PRM2: variants seen among roughly 807,000 people sequenced by gnomAD.
PRM2 encodes protamine-2.
Under a neutral mutation model 10.7 loss-of-function variants are expected in PRM2, and 6 were observed. That is an observed-to-expected ratio of 0.56 (90% CI 0.31 to 1.11). The LOEUF is 1.11. Among genes scored for constraint, PRM2 ranks in the 50% least tolerant of loss-of-function variants. The probability of loss-of-function intolerance (pLI) is 0.06; values close to 1 mark genes in which losing one functional copy is unlikely to be tolerated. For synonymous variants in PRM2, 64 were observed against 54.8 expected (o/e 1.17, Z -0.74); for missense variants, 194 against 147.7 (o/e 1.31, Z -1.62).
rs140797025 is a variant in PRM2, at chr16:11,275,856, G to A, written c.*44C>T. Reference sequence around the variant, plus strand: ...TATGGCCTCACTTGGTGTTTCGGGCGACTTTTTCTTAATTTCCAGCTGGGG... The same window carrying A: ...TATGGCCTCACTTGGTGTTTCGGGCAACTTTTTCTTAATTTCCAGCTGGGG... On this transcript the variant is annotated 3_prime_UTR_variant, in exon 2 of 2. Coordinates refer to ENST00000241808, the MANE Select transcript of PRM2 (RefSeq NM_002762.4). 3.2e-5 allele frequency: 52 copies of A among 1,613,622 alleles called. No individual in the cohort carries two copies. In the African/African-American group the frequency reaches 4.1e-4, roughly 13 times the overall value.
In PRM2 at chr16:11,275,704, G is replaced by A. The variant is rs867556918; in HGVS notation, c.*196C>T. 2.2e-5 allele frequency: 29 copies of A among 1,341,316 alleles called. No individual in the cohort carries two copies. The highest frequency in any genetic ancestry group is 2.5e-4 in the Middle Eastern group (1 of 3,922). 83.1% of individuals were successfully genotyped at this position (1,341,316 alleles called of 1,614,324 possible). On this transcript the variant is annotated 3_prime_UTR_variant, in exon 2 of 2. Coordinates refer to ENST00000241808, the MANE Select transcript of PRM2 (RefSeq NM_002762.4). Reference sequence around the variant, plus strand: ...TTCACTCAGATCTTGTGGGCTTCTCGGCGGCAACTCAGGGCTTGAGCATTT... The same window carrying A: ...TTCACTCAGATCTTGTGGGCTTCTCAGCGGCAACTCAGGGCTTGAGCATTT...
rs763643173 is a variant in PRM2, at chr16:11,276,272, C to G, written c.99G>C (p.Glu33Asp). Residue 33 changes from glutamate (E) to aspartate (D), a missense_variant, in exon 1 of 2, where the codon GAG becomes GAC. Glu to Asp is a conservative substitution (Grantham distance 45, BLOSUM62 2). Coordinates refer to ENST00000241808, the MANE Select transcript of PRM2 (RefSeq NM_002762.4). ...CGACGTGCTCCGGGCTCAGCCCTTG[C>G]TCCTCTTGGCCGTGGTGTCCTTGCT... Reference protein sequence around the residue: ...GQEQGHHGQEEQGLSPEHVEV... With the variant: ...GQEQGHHGQEDQGLSPEHVEV... The G allele has an allele frequency of 6.2e-7, 1 of 1,614,280 alleles. No individual in the cohort carries two copies. Among genetic ancestry groups the G allele is most frequent in the Non-Finnish European group, 8.5e-7 (1 of 1,180,052 alleles).
Position 11,276,303 on chromosome 16 carries a change from C to T in PRM2, c.68G>A (p.Gly23Glu), listed in dbSNP as rs1476884750. Residue 23 changes from glycine (G) to glutamate (E), a missense_variant, in exon 1 of 2, where the codon GGG (glycine) becomes GAG (glutamate). Gly to Glu is a moderately conservative substitution (Grantham distance 98, BLOSUM62 -2). Transcript: ENST00000241808. ...SHEVYRQQLH[G>E]QEQGHHGQEE... ...TTGGCCGTGGTGTCCTTGCTCTTGCCCATGCAACTGCTGCCTGTACACCTC... is the reference window on the plus strand; with the variant it reads ...TTGGCCGTGGTGTCCTTGCTCTTGCTCATGCAACTGCTGCCTGTACACCTC... 6.2e-7 allele frequency: 1 copy of T among 1,614,250 alleles called. No homozygotes were observed. The highest frequency in any genetic ancestry group is 2.2e-5 in the East Asian group (1 of 44,884).
chr16:11,275,916 G>A lies in PRM2; in HGVS notation c.293C>T (p.Thr98Ile). 1 of 1,613,970 alleles carries A rather than the reference G, an allele frequency of 6.2e-7. No individual in the cohort carries two copies. The highest frequency in any genetic ancestry group is 8.5e-7 in the Non-Finnish European group (1 of 1,179,970). ...HRRGCRTRKR[T>I]CRRH Reference sequence around the variant, plus strand: ...CCAGGAAGCTTAGTGCCTTCTGCATGTTCTCTTCCTGGTTCTGCAGCCTTT... The same window carrying A: ...CCAGGAAGCTTAGTGCCTTCTGCATATTCTCTTCCTGGTTCTGCAGCCTTT... The change falls in exon 2 of 2, where the codon ACA becomes ATA. Residue 98 changes from threonine to isoleucine, a missense_variant. Transcript: ENST00000241808.
chr16:11,276,063 C>T, intron 1 of PRM2, 37 bp downstream of exon 1: 1 of 1,610,952 alleles, frequency 6.2e-7, no homozygotes, highest in Non-Finnish European at 8.5e-7. Context: ...CTGGGGTGGT[C>T]AGGGACATGC....
intron 1 of PRM2, 23 bp downstream of exon 1, chr16:11,276,077 G>C (rs757256854): frequency 6.2e-7 from 1 of 1,610,586 alleles, no homozygotes; most frequent in South Asian, 1.1e-5. Context: ...GACATGCAGG[G>C]CAAGGCGGGG....
At position 11,275,676 on chromosome 16, in the gene PRM2, C is replaced by T. The variant is rs2069842819; in HGVS notation, c.*224G>A. On this transcript the variant is annotated 3_prime_UTR_variant, in exon 2 of 2. Transcript: ENST00000241808. ...CTTTATTGGGCAGGTGACTTTTGCTCGTTTCACTCAGATCTTGTGGGCTTC... is the reference window on the plus strand; with the variant it reads ...CTTTATTGGGCAGGTGACTTTTGCTTGTTTCACTCAGATCTTGTGGGCTTC... 2.8e-6 allele frequency: 3 copies of T among 1,089,972 alleles called. No individual in the cohort carries two copies. Among genetic ancestry groups the T allele is most frequent in the South Asian group, 3.1e-5 (2 of 65,522 alleles). The allele number at this position is 1,089,972 out of a possible 1,614,324, so 67.5% of individuals were successfully genotyped here. A position where few individuals can be genotyped will look rare whatever the true frequency, so the allele number is the denominator to read the frequency against.
At position 11,275,726 on chromosome 16, in the gene PRM2, A is replaced by G. The variant is rs959126984; in HGVS notation, c.*174T>C. 3 of 1,478,654 alleles carry G rather than the reference A, an allele frequency of 2.0e-6. No homozygotes were observed. Among genetic ancestry groups the G allele is most frequent in the Non-Finnish European group, 9.2e-7 (1 of 1,085,366 alleles). The allele number at this position is 1,478,654 out of a possible 1,614,324, so 91.6% of individuals were successfully genotyped here. On this transcript the variant is annotated 3_prime_UTR_variant, in exon 2 of 2. Transcript: ENST00000241808. ...CTCGGCGGCAACTCAGGGCTTGAGC[A>G]TTTGATGTAGGGGAGTTGCTATGGC...
At position 11,275,670 on chromosome 16, in the gene PRM2, T is replaced by C. The variant is rs1180796388; in HGVS notation, c.*230A>G. 5.9e-6 allele frequency: 6 copies of C among 1,022,598 alleles called. No homozygotes were observed. Among genetic ancestry groups the C allele is most frequent in the Non-Finnish European group, 7.1e-6 (5 of 703,466 alleles). 63.3% of individuals were successfully genotyped at this position (1,022,598 alleles called of 1,614,324 possible). A position where few individuals can be genotyped will look rare whatever the true frequency, so the allele number is the denominator to read the frequency against. On this transcript the variant is annotated 3_prime_UTR_variant, in exon 2 of 2. Transcript: ENST00000241808. ...GTCAAGCTTTATTGGGCAGGTGACT[T>C]TTGCTCGTTTCACTCAGATCTTGTG...
Position 11,276,238 on chromosome 16 carries a change from C to T in PRM2, c.133G>A (p.Glu45Lys), listed in dbSNP as rs768731173. ...TAGTGAGACTGGCCATGGGTCCTCT[C>T]GTAGACCTCGACGTGCTCCGGGCTC... ...GLSPEHVEVY[E>K]RTHGQSHYRR... Residue 45 changes from glutamate (E) to lysine (K), a missense_variant, in exon 1 of 2, where the codon GAG (glutamate) becomes AAG (lysine). Physicochemically the swap from Glu to Lys is moderately conservative, Grantham distance 56. Transcript: ENST00000241808. 9.3e-6 allele frequency: 15 copies of T among 1,614,146 alleles called. No homozygotes were observed. Among genetic ancestry groups the T allele is most frequent in the African/African-American group, 8.0e-5 (6 of 74,958 alleles).
chr16:11,276,224 G>A lies in PRM2; in HGVS notation c.147C>T (p.Gly49=). Residue 49 remains glycine, a synonymous_variant, in exon 1 of 2, where the codon GGC becomes GGT. Transcript: ENST00000241808. ...EHVEVYERTH[G]QSHYRRRHCS... ...AGTGTCTGCGCCTATAGTGAGACTG[G>A]CCATGGGTCCTCTCGTAGACCTCGA... 4 of 1,614,238 alleles carry A rather than the reference G, an allele frequency of 2.5e-6. No individual in the cohort carries two copies. Among genetic ancestry groups the A allele is most frequent in the Non-Finnish European group, 3.4e-6 (4 of 1,180,030 alleles).
At position 11,275,722 on chromosome 16, in the gene PRM2, G is replaced by C. The variant is rs1486049878; in HGVS notation, c.*178C>G. 10 of 1,463,104 alleles carry C rather than the reference G, an allele frequency of 6.8e-6. No individual in the cohort carries two copies. The East Asian group carries it at 2.0e-4, about 29-fold the overall frequency. The allele number at this position is 1,463,104 out of a possible 1,614,324, so 90.6% of individuals were successfully genotyped here. A position where few individuals can be genotyped will look rare whatever the true frequency, so the allele number is the denominator to read the frequency against. On this transcript the variant is annotated 3_prime_UTR_variant, in exon 2 of 2. Coordinates refer to ENST00000241808, the MANE Select transcript of PRM2 (RefSeq NM_002762.4). Reference sequence around the variant, plus strand: ...GCTTCTCGGCGGCAACTCAGGGCTTGAGCATTTGATGTAGGGGAGTTGCTA... The same window carrying C: ...GCTTCTCGGCGGCAACTCAGGGCTTCAGCATTTGATGTAGGGGAGTTGCTA...
chr16:11,276,084 G>C lies in PRM2; in HGVS notation c.271+16C>G. The C allele has an allele frequency of 6.2e-7, 1 of 1,609,648 alleles. No homozygotes were observed. ...TGGTCAGGGACATGCAGGGCAAGGC[G>C]GGGGCGCAGGCAGACCTCTGCGATG... On this transcript the variant is annotated intron_variant, in intron 1 of 1. Transcript: ENST00000241808.
rs967738529 is a variant in PRM2, at chr16:11,275,759, G to T, written c.*141C>A. 1.9e-6 allele frequency: 3 copies of T among 1,545,672 alleles called. No homozygotes were observed. Among genetic ancestry groups the T allele is most frequent in the Non-Finnish European group, 2.6e-6 (3 of 1,138,606 alleles). The stretch of plus-strand genomic sequence containing the variant: ...TAGGGGAGTTGCTATGGCCTCACTC[G>T]GTGTTTCTTGGGCAGGTGACTTTCT... On this transcript the variant is annotated 3_prime_UTR_variant, in exon 2 of 2. Transcript: ENST00000241808.
Position 11,276,192 on chromosome 16 carries a change from C to G in PRM2, c.179G>C (p.Arg60Pro). 6.2e-7 allele frequency: 1 copy of G among 1,614,148 alleles called. No individual in the cohort carries two copies. Among genetic ancestry groups the G allele is most frequent in the Non-Finnish European group, 8.5e-7 (1 of 1,180,038 alleles). The change falls in exon 1 of 2, where the codon CGA (arginine) becomes CCA (proline). Residue 60 changes from arginine to proline, a missense_variant. Physicochemically the swap from Arg to Pro is moderately radical, Grantham distance 103 (BLOSUM62 -2). Transcript: ENST00000241808. Reference sequence around the variant, plus strand: ...CCTGTGGATCCGGTGCAGCCTCCTTCGAGAGCAGTGTCTGCGCCTATAGTG... The same window carrying G: ...CCTGTGGATCCGGTGCAGCCTCCTTGGAGAGCAGTGTCTGCGCCTATAGTG... ...QSHYRRRHCSRRRLHRIHRRQ... is the reference protein window; with the variant it reads ...QSHYRRRHCSPRRLHRIHRRQ...
chr16:11,275,822 G>C lies in PRM2; in HGVS notation c.*78C>G, dbSNP rs185167443. ...CTGGGGGCTTGAGCATTTGATGTAGGGGAATTGCTATGGCCTCACTTGGTG... is the reference window on the plus strand; with the variant it reads ...CTGGGGGCTTGAGCATTTGATGTAGCGGAATTGCTATGGCCTCACTTGGTG... On this transcript the variant is annotated 3_prime_UTR_variant, in exon 2 of 2. Transcript: ENST00000241808. 5.0e-6 allele frequency: 8 copies of C among 1,608,364 alleles called. No homozygotes were observed. The highest frequency in any genetic ancestry group is 5.9e-6 in the Non-Finnish European group (7 of 1,178,162).
rs2069842711 is a variant in PRM2, at chr16:11,275,671, T to G, written c.*229A>C. ...TCAAGCTTTATTGGGCAGGTGACTT[T>G]TGCTCGTTTCACTCAGATCTTGTGG... On this transcript the variant is annotated 3_prime_UTR_variant, in exon 2 of 2. Transcript: ENST00000241808. 1 of 1,032,072 alleles carries G rather than the reference T, an allele frequency of 9.7e-7. No individual in the cohort carries two copies. The highest frequency in any genetic ancestry group is 1.4e-6 in the Non-Finnish European group (1 of 711,630). 63.9% of individuals were successfully genotyped at this position (1,032,072 alleles called of 1,614,324 possible). A position where few individuals can be genotyped will look rare whatever the true frequency, so the allele number is the denominator to read the frequency against.
At position 11,276,068 on chromosome 16, in the gene PRM2, A is replaced by T. The variant is rs1356311986; in HGVS notation, c.271+32T>A. ...CCTCCTGTGCCTGGGGTGGTCAGGG[A>T]CATGCAGGGCAAGGCGGGGGCGCAG... is the stretch of plus-strand genomic sequence containing the variant. On this transcript the variant is annotated intron_variant, in intron 1 of 1. Coordinates refer to ENST00000241808, the MANE Select transcript of PRM2 (RefSeq NM_002762.4). The T allele has an allele frequency of 2.5e-6, 4 of 1,611,214 alleles. No homozygotes were observed. The Admixed American group carries it at 6.7e-5, about 27-fold the overall frequency.
chr16:11,276,129 G>A lies in PRM2; in HGVS notation c.242C>T (p.Ser81Phe), dbSNP rs150112990. Residue 81 changes from serine (S) to phenylalanine (F), a missense_variant, in exon 1 of 2, where the codon TCC becomes TTC. Physicochemically the swap from Ser to Phe is radical, Grantham distance 155. Transcript: ENST00000241808. ...HRSCRRRKRR[S>F]CRHRRRHRRG... ...GCGATGCCTCCTCCGGTGCCTGCAG[G>A]AGCGTCTTTTGCGCCTTCTGCAGGA... 1 of 1,612,900 alleles carries A rather than the reference G, an allele frequency of 6.2e-7. No individual in the cohort carries two copies.
Sources: allele counts gnomAD v4.1 joint callset, GRCh38; gene constraint gnomAD v4.1.1; transcripts MANE v1.5; gene names NCBI Gene and HGNC (gene_info 2026-07-23, HGNC 2026-07-21).